Variants in RIMS2 observed in about 807,000 individuals in gnomAD.
RIMS2 encodes regulating synaptic membrane exocytosis protein 2.
In RIMS2, 59 loss-of-function variants were observed where a neutral mutation model predicts 174.4. The ratio of observed to expected loss-of-function variants is 0.34; its 90% CI spans 0.27 to 0.42. The LOEUF is 0.42. Among genes scored for constraint, RIMS2 ranks in the 10% least tolerant of loss-of-function variants. The probability of loss-of-function intolerance (pLI) is 1.00; values close to 1 mark genes in which losing one functional copy is unlikely to be tolerated. For missense variants in RIMS2, 1,620 were observed against 1,666.3 expected, an observed-to-expected ratio of 0.97 and a Z score of 0.48; for synonymous variants, 606 against 572.5, an observed-to-expected ratio of 1.06 and a Z score of -0.84.
intron 9 of RIMS2, among the ~76,000 whole-genome samples, chr8:103,920,402 C>T (rs547136568): frequency 1.3e-5 from 2 of 152,206 alleles, no homozygotes; most frequent in African/African-American, 4.8e-5. Context: ...ACAACGACAA[C>T]AACAACAACA....
chr8:103,759,564 C>CAAAAA (rs35946104), intron 2 of RIMS2, among the ~76,000 whole-genome samples: 381 of 67,252 alleles, frequency 5.7e-3, no homozygotes, highest in Non-Finnish European at 7.0e-3. Context: ...GACTCCGTCT[C>CAAAAA]AAAAAAAAAA....
intron 3 of RIMS2, among the ~76,000 whole-genome samples, chr8:103,798,995 C>T (rs1381281984): frequency 6.6e-6 from 1 of 151,546 alleles, no homozygotes; most frequent in African/African-American, 2.4e-5. Flanking sequence ...ACGAAAATGC[C>T]TATTGTTGAG....
At chr8:103,809,658 C>A (rs1002035755) in intron 3 of RIMS2, among the ~76,000 whole-genome samples, 1 of 152,120 alleles carries the variant, frequency 6.6e-6, no homozygotes, top group Non-Finnish European at 1.5e-5. Context: ...ATTGCTGTAA[C>A]CTTGAGATTC....
At chr8:103,909,768 TA>T (rs1242459755) in intron 4 of RIMS2, among the ~76,000 whole-genome samples, 3 of 151,666 alleles carry the variant, frequency 2.0e-5, no homozygotes, top group Non-Finnish European at 4.4e-5. Context: ...AGCACAGGAG[TA>T]AAAAAAATAT....
intron 2 of RIMS2, among the ~76,000 whole-genome samples, chr8:103,712,129 C>T (rs1275699772): frequency 3.3e-5 from 5 of 150,162 alleles, no homozygotes; most frequent in Non-Finnish European, 7.4e-5. Context: ...GTAGCTGAGA[C>T]TACAGGTGCA....
chr8:104,200,244 A>G (rs901343499), intron 19 of RIMS2, among the ~76,000 whole-genome samples: 1 of 152,182 alleles, frequency 6.6e-6, no homozygotes, highest in Non-Finnish European at 1.5e-5. Context: ...TTAAAACTGT[A>G]TGTGTTGAAA....
At chr8:103,608,639 C>T (rs376458233) in intron 1 of RIMS2, among the ~76,000 whole-genome samples, 81 of 144,900 alleles carry the variant, frequency 5.6e-4, no homozygotes, top group East Asian at 3.0e-3. Flanking sequence ...TAGCAATCAG[C>T]GAGACTCCGT....
chr8:104,051,267 T>C (rs2096780644), intron 19 of RIMS2, among the ~76,000 whole-genome samples: 1 of 152,036 alleles, frequency 6.6e-6, no homozygotes, highest in African/African-American at 2.4e-5. Flanking sequence ...TATATATATA[T>C]ATGTATGTGT....
Position 103,961,151 on chromosome 8 carries a change from AT to A in RIMS2, c.2770+22del. ...AGTATCAGGTAAGAATTTTAGAATTATTTTATAGTATTAAAAAGGGAGTGCA... is the reference window on the plus strand; with the variant it reads ...AGTATCAGGTAAGAATTTTAGAATTATTTATAGTATTAAAAAGGGAGTGCA... On this transcript the variant is annotated intron_variant, in intron 15 of 23. Coordinates refer to ENST00000504942, the Ensembl canonical transcript of RIMS2. The A allele has an allele frequency of 1.9e-6, 2 of 1,046,502 alleles. No individual in the cohort carries two copies. Among genetic ancestry groups the A allele is most frequent in the Non-Finnish European group, 3.0e-6 (2 of 666,996 alleles). 64.8% of individuals were successfully genotyped at this position (1,046,502 alleles called of 1,614,324 possible).
chr8:103,995,557 C>T (rs1350599554), intron 17 of RIMS2, among the ~76,000 whole-genome samples: 2 of 151,974 alleles, frequency 1.3e-5, no homozygotes, highest in Admixed American at 6.6e-5. Context: ...TTTAGAGAAT[C>T]TTAGGTAGTC....
exon 3 of RIMS2, chr8:103,766,490 T>C: frequency 6.2e-7 from 1 of 1,613,936 alleles, no homozygotes; most frequent in South Asian, 1.1e-5. Flanking sequence ...CTATTAAAAA[T>C]GGGTCAGGCG....
chr8:104,097,229 G>A (rs533603698), intron 19 of RIMS2, among the ~76,000 whole-genome samples: 2 of 152,190 alleles, frequency 1.3e-5, no homozygotes, highest in African/African-American at 4.8e-5. Context: ...GATATATTGA[G>A]GATAGGATCC....
intron 3 of RIMS2, among the ~76,000 whole-genome samples, chr8:103,854,866 A>T (rs1304786741): frequency 2.0e-5 from 3 of 152,062 alleles, no homozygotes; most frequent in African/African-American, 7.2e-5. Flanking sequence ...TATTAGGCTG[A>T]TGCTGATTTC....
In RIMS2 at chr8:104,143,162, G is replaced by A. The variant is rs117635404; in HGVS notation, c.3335-101754G>A. Among the ~76,000 whole-genome samples the A allele has an allele frequency of 4.8e-3, 736 of 152,178 alleles. 4 individuals carry two copies. Among genetic ancestry groups the A allele is most frequent in the Non-Finnish European group, 8.0e-3 (542 of 67,998 alleles). On this transcript the variant is annotated intron_variant, in intron 19 of 23. Coordinates refer to ENST00000504942, the Ensembl canonical transcript of RIMS2. ...ACTATGTCATATCATTTTTGTATCC[G>A]CATATTTGTCATAATAGGTGTTCAG...
At chr8:103,591,144 A>G (rs1563916512) in intron 1 of RIMS2, among the ~76,000 whole-genome samples, 1 of 151,056 alleles carries the variant, frequency 6.6e-6, no homozygotes, top group Non-Finnish European at 1.5e-5. Context: ...TTTAATTTGC[A>G]TATCCTTGGT....
intron 2 of RIMS2, among the ~76,000 whole-genome samples, chr8:103,724,154 C>T (rs1045809534): frequency 2.0e-5 from 3 of 148,512 alleles, no homozygotes; most frequent in Admixed American, 6.9e-5. Context: ...CTACCCTCTT[C>T]GATGTGTCTG....
At chr8:104,173,613 A>ATTTTTTTTTTTTTTTTTTTTTTTTTTT (rs71297262) in intron 19 of RIMS2, among the ~76,000 whole-genome samples, 1 of 54,198 alleles carries the variant, frequency 1.8e-5, no homozygotes, top group Non-Finnish European at 3.0e-5. Context: ...AGCTCTTCTG[A>ATTTTTTTTTTTTTTTTTTTTTTTTTTT]TTTTTTTTTT....
At chr8:103,937,713 TGAG>T (rs1476410091) in intron 13 of RIMS2, among the ~76,000 whole-genome samples, 1 of 152,058 alleles carries the variant, frequency 6.6e-6, no homozygotes, top group Non-Finnish European at 1.5e-5. Context: ...GGCATCAGGG[TGAG>T]GAGATCTTGG....
intron 19 of RIMS2, among the ~76,000 whole-genome samples, chr8:104,196,017 T>C (rs2099022381): frequency 6.6e-6 from 1 of 152,156 alleles, no homozygotes; most frequent in Non-Finnish European, 1.5e-5. Flanking sequence ...TCTTAAGGAA[T>C]CAAAGACCTA....
Sources: allele counts gnomAD v4.1 joint callset (sites outside exome capture counted in the v4.1 genomes callset), GRCh38; gene constraint gnomAD v4.1.1; transcripts MANE v1.5; gene names NCBI Gene and HGNC (gene_info 2026-07-23, HGNC 2026-07-21).